TNIK: variants seen among roughly 807,000 people sequenced by gnomAD.
TNIK encodes the protein TRAF2 and NCK-interacting protein kinase.
A neutral mutation model predicts 191.3 loss-of-function variants in TNIK; 49 were observed. That is an observed-to-expected ratio of 0.26 (90% CI 0.20 to 0.32). The LOEUF is 0.32. TNIK is among the 10% of genes least tolerant of loss of function. TNIK has a pLI of 1.00. For missense variants in TNIK, 1,155 were observed against 1,702.3 expected (o/e 0.68, Z 5.66); for synonymous variants, 594 against 600.9 (o/e 0.99, Z 0.17).
At chr3:171,426,993 A>G (rs1281481402) in intron 1 of TNIK, among the ~76,000 whole-genome samples, 1 of 152,242 alleles carries the variant, frequency 6.6e-6, no homozygotes, top group Non-Finnish European at 1.5e-5. Context: ...GGGTCTTGGT[A>G]GATCACAGAC....
chr3:171,065,757 T>A (rs989524275), intron 32 of TNIK, among the ~76,000 whole-genome samples: 1 of 152,212 alleles, frequency 6.6e-6, no homozygotes, highest in African/African-American at 2.4e-5. Flanking sequence ...AAAGCTTATA[T>A]TTCTAAACGT....
chr3:171,186,037 G>T (rs1484766794), intron 7 of TNIK, among the ~76,000 whole-genome samples: 1 of 152,164 alleles, frequency 6.6e-6, no homozygotes, highest in African/African-American at 2.4e-5. Flanking sequence ...AAATCCTCGG[G>T]CTTTGATGGG....
rs942286876 is a variant in TNIK, at chr3:171,229,391, A to G, written c.124-1170T>C. The stretch of plus-strand genomic sequence containing the variant: ...CCCCCATAGATGCTGTGGCATGTTT[A>G]TGAATTAACAACAGATAAGGAGGCA... On this transcript the variant is annotated intron_variant, in intron 2 of 32. Coordinates refer to ENST00000436636, the MANE Select transcript of TNIK (RefSeq NM_015028.4). Among the ~76,000 whole-genome samples, 9 of 152,222 alleles carry G rather than the reference A, an allele frequency of 5.9e-5. 1 individual carries two copies. The highest frequency in any genetic ancestry group is 6.3e-3 in the Middle Eastern group (2 of 316).
At chr3:171,230,509 C>A (rs948531398) in intron 2 of TNIK, among the ~76,000 whole-genome samples, 2 of 152,098 alleles carry the variant, frequency 1.3e-5, no homozygotes, top group Non-Finnish European at 2.9e-5. Flanking sequence ...CAAGAGCTGA[C>A]CCCCTTTCTG....
chr3:171,279,937 T>C (rs1277870527), intron 2 of TNIK, among the ~76,000 whole-genome samples: 2 of 152,176 alleles, frequency 1.3e-5, no homozygotes, highest in Non-Finnish European at 2.9e-5. Context: ...TATCAGTACA[T>C]ACCTACTAAT....
At chr3:171,435,128 AG>A (rs1303483761) in intron 1 of TNIK, among the ~76,000 whole-genome samples, 1 of 152,194 alleles carries the variant, frequency 6.6e-6, no homozygotes, top group Non-Finnish European at 1.5e-5. Flanking sequence ...TAAGTATCAC[AG>A]TCTTTAGATA....
chr3:171,271,319 C>T lies in TNIK; in HGVS notation c.124-43098G>A, dbSNP rs1423250087. On this transcript the variant is annotated intron_variant, in intron 2 of 32. Coordinates refer to ENST00000436636, the MANE Select transcript of TNIK (RefSeq NM_015028.4). ...AAAAGAAAATAGTAATTATTGGCTTCACTCCAAGATCATAAACATCAAGTT... is the reference window on the plus strand; with the variant it reads ...AAAAGAAAATAGTAATTATTGGCTTTACTCCAAGATCATAAACATCAAGTT... 2.6e-5 allele frequency among the ~76,000 whole-genome samples: 4 copies of T among 152,216 alleles called. No individual in the cohort carries two copies. In the East Asian group the frequency reaches 5.8e-4, roughly 22 times the overall value.
At chr3:171,137,509 T>A (rs1730199069) in intron 15 of TNIK, among the ~76,000 whole-genome samples, 2 of 152,200 alleles carry the variant, frequency 1.3e-5, no homozygotes, top group African/African-American at 4.8e-5. Context: ...GTTGGGGTTA[T>A]TTTGTTTGTT....
chr3:171,114,644 A>G (rs1350960534), intron 18 of TNIK, among the ~76,000 whole-genome samples: 1 of 152,252 alleles, frequency 6.6e-6, no homozygotes, highest in East Asian at 1.9e-4. Flanking sequence ...ATATGATCAT[A>G]TAAATGTAGA....
intron 28 of TNIK, among the ~76,000 whole-genome samples, chr3:171,076,532 A>G (rs9840931): frequency 0.045 from 6,816 of 152,276 alleles, 517 homozygotes; most frequent in African/African-American, 0.16. Flanking sequence ...GAAGGTGTCT[A>G]AAGTTCCTCC....
intron 31 of TNIK, 36 bp downstream of exon 31, chr3:171,066,540 G>GTT (rs1718463925): frequency 6.2e-7 from 1 of 1,611,020 alleles, no homozygotes; most frequent in Admixed American, 1.7e-5. Context: ...TTTGGGGGGT[G>GTT]TAACTGCTGA....
At chr3:171,139,755 C>T (rs1730554062) in intron 13 of TNIK, among the ~76,000 whole-genome samples, 199 bp from the exon 14 acceptor site, 1 of 152,216 alleles carries the variant, frequency 6.6e-6, no homozygotes, top group African/African-American at 2.4e-5. Flanking sequence ...GCACAAGCCC[C>T]TCTACCTGCA....
intron 2 of TNIK, among the ~76,000 whole-genome samples, chr3:171,337,337 G>A (rs76559921): frequency 0.039 from 6,000 of 152,278 alleles, 259 homozygotes; most frequent in South Asian, 0.098. Context: ...AGAGGAAGTC[G>A]CAAGAGGAAC....
intron 16 of TNIK, among the ~76,000 whole-genome samples, chr3:171,127,597 G>T (rs537535460): frequency 1.3e-5 from 2 of 152,046 alleles, no homozygotes; most frequent in Admixed American, 1.3e-4. Flanking sequence ...ACCTTCCAAG[G>T]TCAACGTTAG....
chr3:171,119,209 C>G (rs1185826276), intron 18 of TNIK, among the ~76,000 whole-genome samples: 3 of 152,156 alleles, frequency 2.0e-5, no homozygotes, highest in Non-Finnish European at 4.4e-5. Flanking sequence ...TCATCACTGG[C>G]CATCAGAGAA....
At chr3:171,169,812 A>T (rs1388206711) in intron 9 of TNIK, among the ~76,000 whole-genome samples, 2 of 152,198 alleles carry the variant, frequency 1.3e-5, no homozygotes, top group African/African-American at 4.8e-5. Context: ...TGGGAGAAAA[A>T]ACTCAGAGAT....
chr3:171,230,973 T>C (rs780723710), intron 2 of TNIK, among the ~76,000 whole-genome samples: 7 of 152,134 alleles, frequency 4.6e-5, no homozygotes, highest in Non-Finnish European at 1.0e-4. Flanking sequence ...CTCCCCTCAT[T>C]CCTGAGGGAG....
rs770658965 is a variant in TNIK, at chr3:171,347,234, AAAG to A, written c.123+22383_123+22385del. ...GGTTCATTTGCTGAAAAAAAAAAAA[AAAG>A]AAAAGAAAAATGACAAAACCCTAGC... On this transcript the variant is annotated intron_variant, in intron 2 of 32. Coordinates refer to ENST00000436636, the MANE Select transcript of TNIK (RefSeq NM_015028.4). 13 of 1,524,228 alleles carry A rather than the reference AAAG, an allele frequency of 8.5e-6. No homozygotes were observed. The African/African-American group carries it at 1.3e-4, about 15-fold the overall frequency. 94.4% of individuals were successfully genotyped at this position (1,524,228 alleles called of 1,614,324 possible). A position where few individuals can be genotyped will look rare whatever the true frequency, so the allele number is the denominator to read the frequency against.
At chr3:171,181,385 T>C (rs898964427) in intron 7 of TNIK, among the ~76,000 whole-genome samples, 7 of 152,250 alleles carry the variant, frequency 4.6e-5, no homozygotes, top group African/African-American at 1.7e-4. Flanking sequence ...TAGTCTTCTA[T>C]GATTTCCCTT....
Sources: allele counts gnomAD v4.1 joint callset (sites outside exome capture counted in the v4.1 genomes callset), GRCh38; gene constraint gnomAD v4.1.1; transcripts MANE v1.5; gene names NCBI Gene and HGNC (gene_info 2026-07-23, HGNC 2026-07-21).